The following ABI3BP variants were observed in gnomAD, a reference collection of about 807,000 sequenced individuals.
ABI3BP encodes the protein target of Nesh-SH3.
In ABI3BP, 216 loss-of-function variants were observed where a neutral mutation model predicts 268.6. The ratio of observed to expected loss-of-function variants is 0.80; its 90% CI spans 0.72 to 0.90. ABI3BP has a LOEUF of 0.90. ABI3BP is among the 40% of genes least tolerant of loss of function. ABI3BP has a pLI of 0.00. For synonymous variants in ABI3BP, 730 were observed against 730.0 expected (o/e 1.00, Z 0.00); for missense variants, 2,090 against 2,182.4 (o/e 0.96, Z 0.84).
Position 100,840,077 on chromosome 3 carries a change from T to A in ABI3BP, c.1892A>T (p.Lys631Ile), listed in dbSNP as rs762570422. Reference sequence around the variant, plus strand: ...AACCTGAATATCACATTTACCGGGTTTGGACTTGGGCACTTCTGGACTAGG... The same window carrying A: ...AACCTGAATATCACATTTACCGGGTATGGACTTGGGCACTTCTGGACTAGG... The part of the protein sequence containing the change: ...TTPSPEVPKS[K>I]PALEPATIQP... The change falls in exon 23 of 68, where the codon AAA becomes ATA. Residue 631 changes from lysine to isoleucine, a missense_variant. Physicochemically the swap from Lys to Ile is moderately radical, Grantham distance 102. Transcript: ENST00000471714. 93 of 1,527,412 alleles carry A rather than the reference T, an allele frequency of 6.1e-5. No homozygotes were observed. In the African/African-American group the frequency reaches 1.2e-3, roughly 19 times the overall value. The allele number at this position is 1,527,412 out of a possible 1,614,324, so 94.6% of individuals were successfully genotyped here.
At chr3:100,969,409 C>T (rs1485092154) in intron 1 of ABI3BP, among the ~76,000 whole-genome samples, 1 of 152,310 alleles carries the variant, frequency 6.6e-6, no homozygotes, top group Non-Finnish European at 1.5e-5. Context: ...TCAGGCATCC[C>T]CTGCTGCCTC....
chr3:100,880,048 A>T (rs1430853988), intron 6 of ABI3BP, among the ~76,000 whole-genome samples: 1 of 152,230 alleles, frequency 6.6e-6, no homozygotes, highest in African/African-American at 2.4e-5. Context: ...ATTACAATCC[A>T]ATCTTAATAG....
rs149436093 is a variant in ABI3BP at position 100,795,432 on chromosome 3, A to G, written c.3865+372T>C. Among the ~76,000 whole-genome samples the G allele has an allele frequency of 2.2e-3, 335 of 152,184 alleles. 4 individuals carry two copies. Among genetic ancestry groups the G allele is most frequent in the African/African-American group, 7.5e-3 (313 of 41,550 alleles). On this transcript the variant is annotated intron_variant, in intron 53 of 67. Coordinates refer to ENST00000471714, the MANE Select transcript of ABI3BP (RefSeq NM_001375547.2). The stretch of plus-strand genomic sequence containing the variant: ...ACTGGGAATTTTCAGTATTTTGACC[A>G]ATATTGATAATTACTTGCAGTATCT...
intron 1 of ABI3BP, among the ~76,000 whole-genome samples, chr3:100,991,950 A>G (rs1246195028): frequency 6.6e-6 from 1 of 152,198 alleles, no homozygotes; most frequent in Admixed American, 6.5e-5. Context: ...TTCTGTAGGT[A>G]TTAAGACTGA....
intron 1 of ABI3BP, among the ~76,000 whole-genome samples, chr3:100,959,273 G>A (rs1264817714): frequency 4.0e-5 from 6 of 151,680 alleles, no homozygotes; most frequent in South Asian, 2.1e-4. Context: ...GGCGGATCAC[G>A]AGGTCAGGAG....
chr3:100,752,995 G>A (rs770434364), intron 65 of ABI3BP, 47 bp from the exon 66 acceptor site: 6 of 1,522,028 alleles, frequency 3.9e-6, no homozygotes, highest in Non-Finnish European at 8.8e-7. Context: ...TCTTGGGTCA[G>A]ATACTTCAAG....
At chr3:100,875,294 T>C (rs1252745462) in intron 8 of ABI3BP, among the ~76,000 whole-genome samples, 3 of 152,218 alleles carry the variant, frequency 2.0e-5, no homozygotes, top group Admixed American at 1.3e-4. Context: ...CCACTGCACA[T>C]GTGCTAGAGC....
At chr3:100,833,397 A>T (rs1579573029) in intron 29 of ABI3BP, among the ~76,000 whole-genome samples, 1 of 152,136 alleles carries the variant, frequency 6.6e-6, no homozygotes, top group African/African-American at 2.4e-5. Flanking sequence ...ATATTATCTG[A>T]TGATATAGTA....
chr3:100,852,621 G>C (rs1015345344), intron 14 of ABI3BP, among the ~76,000 whole-genome samples: 13 of 152,262 alleles, frequency 8.5e-5, no homozygotes, highest in Middle Eastern at 6.8e-3. Flanking sequence ...TCCTTCAGCA[G>C]GACCAGAAAC....
chr3:100,880,853 T>C (rs2099222013), intron 6 of ABI3BP, among the ~76,000 whole-genome samples: 1 of 152,206 alleles, frequency 6.6e-6, no homozygotes, highest in African/African-American at 2.4e-5. Flanking sequence ...TTTGTCCATT[T>C]GACATTTTTG....
At chr3:100,948,296 T>G (rs973348475) in intron 1 of ABI3BP, among the ~76,000 whole-genome samples, 5 of 152,176 alleles carry the variant, frequency 3.3e-5, no homozygotes, top group African/African-American at 1.2e-4. Flanking sequence ...ATAGAAAAGT[T>G]GCCTCACAAG....
chr3:100,946,115 A>G (rs1010680978), intron 1 of ABI3BP, among the ~76,000 whole-genome samples: 1 of 152,144 alleles, frequency 6.6e-6, no homozygotes, highest in African/African-American at 2.4e-5. Flanking sequence ...TCATGCCTGC[A>G]ATCCCAGCAC....
chr3:100,830,031 G>A lies in ABI3BP; in HGVS notation c.2459-367C>T, dbSNP rs191990232. Among the ~76,000 whole-genome samples the A allele has an allele frequency of 2.8e-5, 4 of 142,600 alleles. No homozygotes were observed. The East Asian group carries it at 6.2e-4, about 22-fold the overall frequency. 93.6% of individuals were successfully genotyped at this position (142,600 alleles called of 152,430 possible). ...TTGGGCATATTTTACTCTTTACTTG[G>A]GAAAATTTTACTCTTTACTGAAACA... On this transcript the variant is annotated intron_variant, in intron 32 of 67. Coordinates refer to ENST00000471714, the MANE Select transcript of ABI3BP (RefSeq NM_001375547.2).
At chr3:100,988,038 C>A (rs2092260144) in intron 1 of ABI3BP, among the ~76,000 whole-genome samples, 1 of 152,156 alleles carries the variant, frequency 6.6e-6, no homozygotes, top group South Asian at 2.1e-4. Flanking sequence ...ACAGTCCCAG[C>A]AATACATAAA....
At chr3:100,875,031 G>A in intron 8 of ABI3BP, 98 bp from the exon 9 acceptor site, 2 of 612,874 alleles carry the variant, frequency 3.3e-6, no homozygotes, top group Middle Eastern at 9.3e-4. Flanking sequence ...ATGAAGCATA[G>A]CACTTATTTT....
chr3:100,843,728 C>G, intron 20 of ABI3BP: 1 of 983,312 alleles, frequency 1.0e-6, no homozygotes, highest in Non-Finnish European at 1.2e-6. Flanking sequence ...AAATAAACAT[C>G]AATACATGAA....
intron 4 of ABI3BP, among the ~76,000 whole-genome samples, chr3:100,887,607 C>T (rs561693403): frequency 4.5e-4 from 69 of 152,102 alleles, no homozygotes; most frequent in Non-Finnish European, 8.4e-4. Flanking sequence ...TGGAAACATA[C>T]GCATTGGGTA....
chr3:100,875,193 G>C (rs1460569564), intron 8 of ABI3BP, among the ~76,000 whole-genome samples: 1 of 152,198 alleles, frequency 6.6e-6, no homozygotes, highest in East Asian at 1.9e-4. Context: ...CTTAAGATGT[G>C]TGGTGAACAA....
intron 14 of ABI3BP, among the ~76,000 whole-genome samples, chr3:100,854,886 TAC>T (rs1327058199): frequency 3.3e-5 from 5 of 152,128 alleles, no homozygotes; most frequent in African/African-American, 1.2e-4. Context: ...TAACTTGCAT[TAC>T]CATTTGCTCT....
Sources: gnomAD v4.1 joint callset for allele counts (sites outside exome capture counted in the v4.1 genomes callset) on GRCh38, gnomAD v4.1.1 for gene constraint, MANE v1.5 for transcripts, NCBI Gene and HGNC (gene_info 2026-07-23, HGNC 2026-07-21) for gene names.